Variants in IL5 observed in about 807,000 individuals in gnomAD.
IL5 encodes interleukin 5.
A neutral mutation model predicts 16.3 loss-of-function variants in IL5; 12 were observed. The ratio of observed to expected loss-of-function variants is 0.74; its 90% confidence interval spans 0.47 to 1.20. IL5 has a LOEUF of 1.20. Among genes scored for constraint, IL5 ranks in the 50% most tolerant of loss-of-function variants. The probability of loss-of-function intolerance (pLI) is 0.00; values close to 1 mark genes in which losing one functional copy is unlikely to be tolerated. For missense variants in IL5, 159 were observed against 153.9 expected, an observed-to-expected ratio of 1.03 and a Z score of -0.17; for synonymous variants, 54 against 56.6, an observed-to-expected ratio of 0.95 and a Z score of 0.21.
Position 132,543,430 on chromosome 5 carries a change from C to T in IL5, c.49G>A (p.Val17Met), listed in dbSNP as rs201524603. 17 of 1,614,060 alleles carry T rather than the reference C, an allele frequency of 1.1e-5. 1 individual carries two copies. The highest frequency in any genetic ancestry group is 5.0e-5 in the Admixed American group (3 of 60,026). Residue 17 changes from valine (V) to methionine (M), a missense_variant, in exon 1 of 4, where the codon GTG (valine) becomes ATG (methionine). Val to Met is a conservative substitution (Grantham distance 21). Coordinates refer to ENST00000231454, the MANE Select transcript of IL5 (RefSeq NM_000879.3). ...GGAATTTCTGTGGGGATGGCATACA[C>T]GTAGGCAGCTCCAAGAGCTAGCAAA... is the stretch of plus-strand genomic sequence containing the variant. ...LSLLALGAAYVYAIPTEIPTS... is the reference protein window; with the variant it reads ...LSLLALGAAYMYAIPTEIPTS...
intron 1 of IL5, among the ~76,000 whole-genome samples, chr5:132,550,508 G>C (rs1351372764): frequency 6.6e-6 from 1 of 152,080 alleles, no homozygotes; most frequent in Non-Finnish European, 1.5e-5. Context: ...ATTTTTAGTA[G>C]AGACGGGGTT....
At chr5:132,549,301 G>T (rs1367276747) in intron 1 of IL5, among the ~76,000 whole-genome samples, 1 of 152,120 alleles carries the variant, frequency 6.6e-6, no homozygotes. Flanking sequence ...TGATCCGCCC[G>T]CCTCGGCCTC....
upstream of IL5, among the ~76,000 whole-genome samples, chr5:132,547,797 T>C (rs1183316667): frequency 2.0e-5 from 3 of 152,228 alleles, no homozygotes; most frequent in South Asian, 6.2e-4. Context: ...CGGCGAGGCA[T>C]GATGGGTCAG....
chr5:132,542,068 C>T lies in IL5; in HGVS notation c.253G>A (p.Glu85Lys), dbSNP rs753354687. 6.2e-7 allele frequency: 1 copy of T among 1,613,666 alleles called. No individual in the cohort carries two copies. The highest frequency in any genetic ancestry group is 1.1e-5 in the South Asian group (1 of 91,066). The change falls in exon 3 of 4, where the codon GAA (glutamate) becomes AAA (lysine). Residue 85 changes from glutamate to lysine, a missense_variant. By Grantham distance (56) the Glu-to-Lys change is moderately conservative. Coordinates refer to ENST00000231454, the MANE Select transcript of IL5 (RefSeq NM_000879.3). ...AAGGACAAGTTTTTGAATAGTCTTT[C>T]CACAGTACCCCCTTGCACAGTTTGA... ...ESQTVQGGTV[E>K]RLFKNLSLIK...
At chr5:132,543,057 T>G (rs1340717677) in intron 2 of IL5, 37 bp downstream of exon 2, 1 of 1,433,604 alleles carries the variant, frequency 7.0e-7, no homozygotes, top group Admixed American at 1.7e-5. Flanking sequence ...ATTTACTTAT[T>G]CATGCCATCA....
At chr5:132,542,213 C>A in intron 2 of IL5, 70 bp from the exon 3 acceptor site, 3 of 1,070,984 alleles carry the variant, frequency 2.8e-6, no homozygotes, top group Non-Finnish European at 4.2e-6. Context: ...ATTGTCCATT[C>A]TGCAATGTAT....
chr5:132,555,732 G>GT (rs1717472935), intron 1 of IL5, among the ~76,000 whole-genome samples: 1 of 152,166 alleles, frequency 6.6e-6, no homozygotes, highest in Non-Finnish European at 1.5e-5. Flanking sequence ...AGCCAGGATG[G>GT]TCTTCATTTC....
chr5:132,553,542 G>A (rs1749917628), intron 1 of IL5, among the ~76,000 whole-genome samples: 1 of 152,124 alleles, frequency 6.6e-6, no homozygotes, highest in Non-Finnish European at 1.5e-5. Context: ...ATATCTTTCT[G>A]AAATTTTATC....
upstream of IL5, among the ~76,000 whole-genome samples, chr5:132,546,215 C>T (rs540036744): frequency 8.9e-4 from 135 of 152,062 alleles, no homozygotes; most frequent in African/African-American, 3.1e-3. Context: ...GCTCAGTAGC[C>T]TTAAGTACAT....
intron 1 of IL5, among the ~76,000 whole-genome samples, chr5:132,555,162 C>T (rs984585691): frequency 6.6e-6 from 1 of 152,190 alleles, no homozygotes; most frequent in Non-Finnish European, 1.5e-5. Flanking sequence ...TCACCTGCTG[C>T]TCACCTCCTA....
At chr5:132,554,833 A>C (rs1749946521) in intron 1 of IL5, among the ~76,000 whole-genome samples, 1 of 152,198 alleles carries the variant, frequency 6.6e-6, no homozygotes, top group African/African-American at 2.4e-5. Flanking sequence ...TGTGATGTGT[A>C]TTGTAATGAA....
chr5:132,546,860 C>T (rs1277090581), upstream of IL5, among the ~76,000 whole-genome samples: 1 of 151,994 alleles, frequency 6.6e-6, no homozygotes, highest in East Asian at 1.9e-4. Context: ...CCCATCTCCA[C>T]TAAAAATACA....
chr5:132,543,387 T>G lies in IL5; in HGVS notation c.92A>C (p.Lys31Thr). 6.2e-7 allele frequency: 1 copy of G among 1,614,230 alleles called. No individual in the cohort carries two copies. Reference sequence around the variant, plus strand: ...AGTAGAAAGCAGTGCCAAGGTCTCTTTCACCAATGCACTTGTGGGAATTTC... The same window carrying G: ...AGTAGAAAGCAGTGCCAAGGTCTCTGTCACCAATGCACTTGTGGGAATTTC... ...PTEIPTSALVKETLALLSTHR... is the reference protein window; with the variant it reads ...PTEIPTSALVTETLALLSTHR... The change falls in exon 1 of 4, where the codon AAA (lysine) becomes ACA (threonine). Residue 31 changes from lysine (K) to threonine (T), a missense_variant. Transcript: ENST00000231454.
At chr5:132,542,667 T>C (rs1749716845) in intron 2 of IL5, among the ~76,000 whole-genome samples, 2 of 152,210 alleles carry the variant, frequency 1.3e-5, no homozygotes, top group Admixed American at 1.3e-4. Flanking sequence ...ATTATTTAAG[T>C]ATGCAGAAAT....
intron 1 of IL5, among the ~76,000 whole-genome samples, chr5:132,550,830 T>C (rs1749872373): frequency 6.6e-6 from 1 of 152,172 alleles, no homozygotes; most frequent in South Asian, 2.1e-4. Flanking sequence ...ATCAAAGAGT[T>C]TGATAAATAT....
At chr5:132,551,537 CGT>C (rs752944353) in intron 1 of IL5, among the ~76,000 whole-genome samples, 10 of 149,094 alleles carry the variant, frequency 6.7e-5, no homozygotes, top group Non-Finnish European at 1.0e-4. Context: ...TCCCAGTCTG[CGT>C]GTGTGTGTGT....
intron 1 of IL5, among the ~76,000 whole-genome samples, chr5:132,555,766 C>T (rs1249922651): frequency 1.3e-5 from 2 of 152,194 alleles, no homozygotes; most frequent in Non-Finnish European, 2.9e-5. Flanking sequence ...CCACCCGTCT[C>T]GGCCTCCCAA....
chr5:132,553,675 G>A (rs1348690812), intron 1 of IL5, among the ~76,000 whole-genome samples: 1 of 152,090 alleles, frequency 6.6e-6, no homozygotes, highest in East Asian at 1.9e-4. Flanking sequence ...GCTGGCTCAC[G>A]CCTGTAATCC....
chr5:132,547,685 G>A (rs1360485345), upstream of IL5, among the ~76,000 whole-genome samples: 2 of 152,204 alleles, frequency 1.3e-5, no homozygotes, highest in Non-Finnish European at 2.9e-5. Context: ...TTAACAATGG[G>A]AAACTGGGTG....
Sources: gnomAD v4.1 joint callset for allele counts (sites outside exome capture counted in the v4.1 genomes callset) on GRCh38, gnomAD v4.1.1 for gene constraint, MANE v1.5 for transcripts, NCBI Gene and HGNC (gene_info 2026-07-23, HGNC 2026-07-21) for gene names.